EMC3: variants seen among roughly 807,000 people sequenced by gnomAD.
EMC3 encodes 30 kDa protein.
A neutral mutation model predicts 36.6 loss-of-function variants in EMC3; 13 were observed. That is an observed-to-expected ratio of 0.35 (90% confidence interval 0.23 to 0.56). The LOEUF (loss-of-function observed/expected upper bound fraction) is 0.56. EMC3 is among the 20% of genes least tolerant of loss of function. EMC3 has a pLI of 0.84. For synonymous variants in EMC3, 120 were observed against 111.9 expected (o/e 1.07, Z -0.46); for missense variants, 220 against 324.5 (o/e 0.68, Z 2.47).
upstream of EMC3, among the ~76,000 whole-genome samples, chr3:9,990,022 T>C (rs1397644257): frequency 1.3e-5 from 2 of 151,018 alleles, no homozygotes; most frequent in Non-Finnish European, 2.9e-5. Context: ...ACTCCCAGTG[T>C]TTTCTCTTTT....
At chr3:9,999,737 G>C (rs1421023674) in intron 1 of EMC3, among the ~76,000 whole-genome samples, 2 of 152,162 alleles carry the variant, frequency 1.3e-5, no homozygotes, top group East Asian at 3.8e-4. Context: ...AACTTAGTTT[G>C]AGTTAGAGTG....
chr3:10,001,147 G>A (rs1204667609), intron 1 of EMC3, among the ~76,000 whole-genome samples: 2 of 152,122 alleles, frequency 1.3e-5, no homozygotes, highest in African/African-American at 2.4e-5. Context: ...TAATGTTTGT[G>A]TATAGTGTAT....
rs778069120 is a variant in EMC3 at position 9,973,662 on chromosome 3, G to C, written c.460C>G (p.Gln154Glu). 1 of 1,614,122 alleles carries C rather than the reference G, an allele frequency of 6.2e-7. No individual in the cohort carries two copies. The highest frequency in any genetic ancestry group is 1.7e-5 in the Admixed American group (1 of 60,004). ...TCTAATGTGAGTAGCTCGATTCCTT[G>C]CTGTAACATAGGCTTAAAACGGAGG... ...LTLRFKPMLQQGIELLTLDAS... is the reference protein window; with the variant it reads ...LTLRFKPMLQEGIELLTLDAS... The change falls in exon 5 of 8, where the codon CAA becomes GAA. Residue 154 changes from glutamine (Q) to glutamate (E), a missense_variant. Transcript: ENST00000245046.
intron 5 of EMC3, among the ~76,000 whole-genome samples, chr3:9,972,474 A>C (rs929032600): frequency 6.6e-6 from 1 of 151,578 alleles, no homozygotes; most frequent in African/African-American, 2.4e-5. Flanking sequence ...AAAAAAAAAA[A>C]AAAAAAAAAA....
At chr3:9,980,545 G>GC (rs2085899445) in intron 1 of EMC3, among the ~76,000 whole-genome samples, 1 of 135,300 alleles carries the variant, frequency 7.4e-6, no homozygotes, top group Admixed American at 7.5e-5. Context: ...TTTGTGTTTT[G>GC]TTTTTTTTGT....
intron 1 of EMC3, chr3:10,008,362 G>T: frequency 7.4e-7 from 1 of 1,354,582 alleles, no homozygotes; most frequent in Non-Finnish European, 9.9e-7. Context: ...CAGGCACCAG[G>T]GCAAAAACCC....
At chr3:9,993,681 A>G (rs975844786) in intron 1 of EMC3, among the ~76,000 whole-genome samples, 2 of 152,246 alleles carry the variant, frequency 1.3e-5, no homozygotes, top group African/African-American at 4.8e-5. Flanking sequence ...ATTTTTTAAA[A>G]TTATGGTATC....
At chr3:9,990,418 T>C (rs887989550), upstream of EMC3, among the ~76,000 whole-genome samples, 1 of 145,890 alleles carries the variant, frequency 6.9e-6, no homozygotes, top group Non-Finnish European at 1.5e-5. Flanking sequence ...CATTGCAGTC[T>C]CAAACACCCG....
chr3:9,999,344 C>T (rs554580039), intron 1 of EMC3, among the ~76,000 whole-genome samples: 2 of 151,428 alleles, frequency 1.3e-5, no homozygotes, highest in Non-Finnish European at 2.9e-5. Flanking sequence ...CGGGTTCAGA[C>T]AATTCTCCTG....
At chr3:9,974,233 G>A in intron 4 of EMC3, 151 bp downstream of exon 4, 1 of 602,524 alleles carries the variant, frequency 1.7e-6, no homozygotes, top group South Asian at 2.1e-5. Context: ...ATCATTTTTG[G>A]GCAAAAGCCG....
chr3:10,000,387 C>A (rs976005667), intron 1 of EMC3, among the ~76,000 whole-genome samples: 2 of 152,168 alleles, frequency 1.3e-5, no homozygotes, highest in East Asian at 3.8e-4. Context: ...AGAAGTTGAA[C>A]ATTACTAACA....
intron 1 of EMC3, among the ~76,000 whole-genome samples, chr3:10,005,798 A>G (rs966875005): frequency 6.6e-6 from 1 of 152,168 alleles, no homozygotes; most frequent in Admixed American, 6.5e-5. Flanking sequence ...AAGAAAATTC[A>G]ACTATCCCAT....
intron 7 of EMC3, 140 bp downstream of exon 7, chr3:9,969,579 C>CATA (rs1559349451): frequency 6.5e-7 from 1 of 1,533,106 alleles, no homozygotes; most frequent in Non-Finnish European, 8.7e-7. Context: ...GAAAGAGAGA[C>CATA]GTGTAAACTA....
At chr3:9,996,140 G>C (rs1378549085) in intron 1 of EMC3, among the ~76,000 whole-genome samples, 1 of 152,182 alleles carries the variant, frequency 6.6e-6, no homozygotes, top group Non-Finnish European at 1.5e-5. Context: ...AACTTCACGT[G>C]GGCTTGCTTT....
chr3:9,991,615 A>G (rs567344225), upstream of EMC3, among the ~76,000 whole-genome samples: 1 of 152,060 alleles, frequency 6.6e-6, no homozygotes, highest in Admixed American at 6.5e-5. Context: ...TCCTGGGCTC[A>G]ATGATCCTCC....
intron 1 of EMC3, among the ~76,000 whole-genome samples, chr3:9,979,306 A>G (rs747690081): frequency 2.0e-5 from 3 of 152,238 alleles, no homozygotes; most frequent in Non-Finnish European, 4.4e-5. Flanking sequence ...TGATCAAAAT[A>G]TTTTACAAAA....
intron 1 of EMC3, among the ~76,000 whole-genome samples, chr3:9,994,701 GC>G (rs1177184803): frequency 6.6e-6 from 1 of 152,052 alleles, no homozygotes; most frequent in African/African-American, 2.4e-5. Context: ...CTCCTGAGTG[GC>G]TGGGATTACA....
intron 1 of EMC3, among the ~76,000 whole-genome samples, chr3:9,985,869 G>A (rs1256902011): frequency 6.6e-6 from 1 of 152,140 alleles, no homozygotes; most frequent in Admixed American, 6.5e-5. Flanking sequence ...ACTCCAGCCT[G>A]GGCAACGAGA....
At position 9,981,130 on chromosome 3, in the gene EMC3, AG is replaced by A. The variant is rs1159593121; in HGVS notation, c.156-3685del. Among the ~76,000 whole-genome samples, 7 of 152,310 alleles carry A rather than the reference AG, an allele frequency of 4.6e-5. No homozygotes were observed. In the East Asian group the frequency reaches 1.4e-3, roughly 29 times the overall value. Reference sequence around the variant, plus strand: ...TGTGGGAGGATCACTTGAGCCCGGGAGATCGAGGCTGAAGTGAGCCATGATC... The same window carrying A: ...TGTGGGAGGATCACTTGAGCCCGGGAATCGAGGCTGAAGTGAGCCATGATC... On this transcript the variant is annotated intron_variant, in intron 1 of 7. Coordinates refer to ENST00000245046, the MANE Select transcript of EMC3 (RefSeq NM_001394674.1).
Sources: allele counts gnomAD v4.1 joint callset (sites outside exome capture counted in the v4.1 genomes callset), GRCh38; gene constraint gnomAD v4.1.1; transcripts MANE v1.5; gene names NCBI Gene and HGNC (gene_info 2026-07-23, HGNC 2026-07-21).